The following ZC3H11A variants were observed in gnomAD, a reference collection of about 807,000 sequenced individuals.
ZC3H11A encodes zinc finger CCCH-type containing 11A, also known as zinc finger CCCH domain-containing protein 11A.
In ZC3H11A, 22 loss-of-function variants were observed where a neutral mutation model predicts 90.8. That is an observed-to-expected ratio of 0.24 (90% CI 0.17 to 0.35). The LOEUF (loss-of-function observed/expected upper bound fraction) is 0.35. ZC3H11A is among the 10% of genes least tolerant of loss of function. The pLI is 1.00. For missense variants in ZC3H11A, 701 were observed against 964.9 expected, an observed-to-expected ratio of 0.73 and a Z score of 3.62; for synonymous variants, 294 against 339.8, an observed-to-expected ratio of 0.87 and a Z score of 1.48.
At position 203,824,217 on chromosome 1, in the gene ZC3H11A, G is replaced by A. The variant is rs1171241187; in HGVS notation, c.175-4082G>A. 4.0e-5 allele frequency among the ~76,000 whole-genome samples: 6 copies of A among 148,500 alleles called. No individual in the cohort carries two copies. The South Asian group carries it at 1.3e-3, about 31-fold the overall frequency. The stretch of plus-strand genomic sequence containing the variant: ...TGGGAGGTGGAGATTGCAGTGAGCC[G>A]AGATTACACCACTGTACTCCAGCCT... On this transcript the variant is annotated intron_variant, in intron 4 of 17. Coordinates refer to ENST00000367210, the MANE Select transcript of ZC3H11A (RefSeq NM_001376342.1).
intron 9 of ZC3H11A, among the ~76,000 whole-genome samples, 173 bp from the exon 10 acceptor site, chr1:203,833,618 G>GTGTTT (rs1683191716): frequency 8.0e-6 from 1 of 124,832 alleles, no homozygotes; most frequent in African/African-American, 2.9e-5. Context: ...ATAGGTTTGG[G>GTGTTT]TTTTTTTTTT....
intron 1 of ZC3H11A, chr1:203,799,304 C>T (rs758526211): frequency 4.2e-6 from 3 of 715,086 alleles, no homozygotes; most frequent in South Asian, 1.5e-5. Flanking sequence ...TCATTCAGGA[C>T]TTTTTCTGCG....
intron 12 of ZC3H11A, among the ~76,000 whole-genome samples, chr1:203,843,466 C>T (rs1687035820): frequency 6.6e-6 from 1 of 152,140 alleles, no homozygotes; most frequent in African/African-American, 2.4e-5. Flanking sequence ...TTGTTTTTGG[C>T]TAACCTTCTG....
chr1:203,832,790 A>T (rs1682818092), intron 9 of ZC3H11A, among the ~76,000 whole-genome samples: 1 of 152,248 alleles, frequency 6.6e-6, no homozygotes, highest in Non-Finnish European at 1.5e-5. Context: ...TCCTGAGGTG[A>T]TCAGAGATAG....
chr1:203,807,790 A>G (rs1672885950), intron 2 of ZC3H11A, among the ~76,000 whole-genome samples: 1 of 152,032 alleles, frequency 6.6e-6, no homozygotes, highest in African/African-American at 2.4e-5. Flanking sequence ...TGCGCAGACC[A>G]GAGTGCAGTG....
At chr1:203,797,834 C>G (rs1355157875) in intron 1 of ZC3H11A, 1 of 1,536,012 alleles carries the variant, frequency 6.5e-7, no homozygotes, top group East Asian at 2.4e-5. Context: ...TGTTAGCTTC[C>G]AATGACCCTG....
intron 8 of ZC3H11A, among the ~76,000 whole-genome samples, chr1:203,831,353 T>C (rs1485768501): frequency 1.4e-4 from 22 of 152,210 alleles, no homozygotes; most frequent in Admixed American, 9.8e-4. Context: ...ATGGCTAGTG[T>C]ACCTCTGAGG....
rs749103205 is a variant in ZC3H11A, at chr1:203,850,618, C to T, written c.2043C>T (p.Ala681=). ...KAVEMHAAVI[A]AVKPLSSSSV... ...TGGAGATGCACGCTGCTGTCATTGC[C>T]GCTGTGAAGCCACTCAGCTCCAGCA... Residue 681 remains alanine (A), a synonymous_variant, in exon 16 of 18, where the codon GCC becomes GCT. Transcript: ENST00000367210. 4.3e-5 allele frequency: 69 copies of T among 1,614,034 alleles called. No individual in the cohort carries two copies. In the East Asian group the frequency reaches 8.5e-4, roughly 20 times the overall value.
At chr1:203,833,504 C>T (rs1410759928) in intron 9 of ZC3H11A, among the ~76,000 whole-genome samples, 1 of 151,686 alleles carries the variant, frequency 6.6e-6, no homozygotes, top group Non-Finnish European at 1.5e-5. Flanking sequence ...GCACTCCAGC[C>T]TGAGTGACAG....
chr1:203,796,255 G>A (rs1668457901), intron 1 of ZC3H11A: 1 of 395,304 alleles, frequency 2.5e-6, no homozygotes, highest in Non-Finnish European at 4.5e-6. Context: ...CAGACTGAGT[G>A]CCGGGCGCTG....
At chr1:203,834,918 A>G (rs941562231) in intron 10 of ZC3H11A, among the ~76,000 whole-genome samples, 6 of 152,280 alleles carry the variant, frequency 3.9e-5, no homozygotes, top group Non-Finnish European at 8.8e-5. Flanking sequence ...TGCTGGGATT[A>G]TAGGCATGAG....
chr1:203,823,825 T>C (rs1679583051), intron 4 of ZC3H11A, among the ~76,000 whole-genome samples: 2 of 152,246 alleles, frequency 1.3e-5, no homozygotes, highest in Admixed American at 1.3e-4. Context: ...CTATCCTTCA[T>C]TTAAAATAAG....
At chr1:203,852,073 T>G in intron 17 of ZC3H11A, 68 bp from the exon 18 acceptor site, 3 of 1,592,066 alleles carry the variant, frequency 1.9e-6, no homozygotes, top group South Asian at 1.1e-5. Flanking sequence ...TTTGTGTCCG[T>G]GAGACTAGGT....
chr1:203,835,849 T>C (rs1251132737), intron 10 of ZC3H11A: 5 of 234,140 alleles, frequency 2.1e-5, no homozygotes, highest in Admixed American at 9.0e-5. Context: ...ATGTGCTCCC[T>C]TTTTTTCCGG....
chr1:203,807,277 T>C (rs565691004), intron 2 of ZC3H11A, among the ~76,000 whole-genome samples: 1 of 152,298 alleles, frequency 6.6e-6, no homozygotes, highest in Admixed American at 6.5e-5. Flanking sequence ...GTTTTAAACA[T>C]TTTTAAAATT....
intron 12 of ZC3H11A, 54 bp from the exon 13 acceptor site, chr1:203,847,130 T>C (rs574092138): frequency 3.3e-5 from 53 of 1,585,092 alleles, no homozygotes; most frequent in Admixed American, 5.3e-5. Context: ...AGATCATAAG[T>C]CAGTAAGAGA....
intron 17 of ZC3H11A, 53 bp from the exon 18 acceptor site, chr1:203,852,088 C>T: frequency 6.3e-7 from 1 of 1,596,028 alleles, no homozygotes. Flanking sequence ...CTAGGTGATT[C>T]AGCCAACTAT....
intron 9 of ZC3H11A, among the ~76,000 whole-genome samples, 173 bp from the exon 10 acceptor site, chr1:203,833,618 G>GTTTTTTTTTTTT (rs553171669): frequency 7.2e-5 from 9 of 124,816 alleles, no homozygotes; most frequent in South Asian, 2.6e-4. Flanking sequence ...ATAGGTTTGG[G>GTTTTTTTTTTTT]TTTTTTTTTT....
intron 8 of ZC3H11A, 89 bp from the exon 9 acceptor site, chr1:203,831,572 A>G: frequency 9.8e-7 from 1 of 1,018,162 alleles, no homozygotes; most frequent in Non-Finnish European, 1.5e-6. Context: ...TCTGTATTGG[A>G]CTTAACTGGT....
Sources: gnomAD v4.1 joint callset for allele counts (sites outside exome capture counted in the v4.1 genomes callset) on GRCh38, gnomAD v4.1.1 for gene constraint, MANE v1.5 for transcripts, NCBI Gene and HGNC (gene_info 2026-07-23, HGNC 2026-07-21) for gene names.